The following STK32B variants were observed in gnomAD, a reference collection of about 807,000 sequenced individuals.
STK32B encodes serine/threonine kinase 32B, also known as serine/threonine-protein kinase 32B.
Under a neutral mutation model 52.6 loss-of-function variants are expected in STK32B, and 43 were observed. The observed-to-expected ratio is 0.82, with a 90% CI of 0.64 to 1.05. The LOEUF is 1.05. Among genes scored for constraint, STK32B ranks in the 50% least tolerant of loss-of-function variants. The pLI is 0.00. For missense variants in STK32B, 621 were observed against 534.6 expected (o/e 1.16, Z -1.59); for synonymous variants, 238 against 204.3 (o/e 1.17, Z -1.41).
chr4:5,304,547 T>G (rs773098069), intron 3 of STK32B, among the ~76,000 whole-genome samples: 2 of 152,154 alleles, frequency 1.3e-5, no homozygotes, highest in Non-Finnish European at 2.9e-5. Context: ...TCAGAAACTT[T>G]ACTGGATTCA....
intron 3 of STK32B, among the ~76,000 whole-genome samples, chr4:5,217,901 C>T (rs1023343270): frequency 3.9e-5 from 6 of 152,236 alleles, no homozygotes; most frequent in South Asian, 2.1e-4. Flanking sequence ...TGTTCTCATG[C>T]GGTGAAACTA....
intron 11 of STK32B, among the ~76,000 whole-genome samples, chr4:5,483,814 C>T (rs996116532): frequency 1.3e-5 from 2 of 152,056 alleles, no homozygotes; most frequent in Non-Finnish European, 2.9e-5. Flanking sequence ...TTTCAAAGAA[C>T]ATCTTTATTT....
chr4:5,431,991 G>A (rs1193380617), intron 6 of STK32B, among the ~76,000 whole-genome samples: 2 of 152,046 alleles, frequency 1.3e-5, no homozygotes, highest in Non-Finnish European at 2.9e-5. Flanking sequence ...TGATGAGTTG[G>A]GCTTCCATTT....
At chr4:5,250,603 G>A (rs539509547) in intron 3 of STK32B, among the ~76,000 whole-genome samples, 26 of 152,166 alleles carry the variant, frequency 1.7e-4, no homozygotes, top group Non-Finnish European at 2.5e-4. Context: ...GTGAGCCACC[G>A]TGCCCAGCTG....
chr4:5,412,320 G>T (rs562662625), intron 5 of STK32B, among the ~76,000 whole-genome samples: 21 of 152,332 alleles, frequency 1.4e-4, no homozygotes, highest in South Asian at 2.1e-4. Flanking sequence ...AGGAAATCTT[G>T]TTGGGCACTA....
At chr4:5,252,856 G>A (rs1405075890) in intron 3 of STK32B, among the ~76,000 whole-genome samples, 2 of 152,168 alleles carry the variant, frequency 1.3e-5, no homozygotes, top group African/African-American at 4.8e-5. Context: ...AGTGCCTGGT[G>A]TGTTGCCTGC....
chr4:5,177,150 G>A (rs1289191592), intron 3 of STK32B, among the ~76,000 whole-genome samples: 1 of 152,204 alleles, frequency 6.6e-6, no homozygotes, highest in Non-Finnish European at 1.5e-5. Flanking sequence ...AAGACTGGGT[G>A]ATTTATAAAG....
intron 7 of STK32B, among the ~76,000 whole-genome samples, chr4:5,452,533 C>A (rs997551872): frequency 4.6e-5 from 7 of 152,142 alleles, no homozygotes; most frequent in Non-Finnish European, 1.0e-4. Context: ...CTCTAGGACC[C>A]TGCAGAGATG....
chr4:5,218,744 T>C (rs1723336922), intron 3 of STK32B, among the ~76,000 whole-genome samples: 1 of 152,218 alleles, frequency 6.6e-6, no homozygotes, highest in African/African-American at 2.4e-5. Context: ...TTCTTTTTCC[T>C]TTAAAATGCA....
intron 3 of STK32B, among the ~76,000 whole-genome samples, chr4:5,288,757 T>C (rs982086509): frequency 6.6e-6 from 1 of 152,208 alleles, no homozygotes; most frequent in African/African-American, 2.4e-5. Context: ...CAACCAACTT[T>C]CTATTTTTTT....
intron 4 of STK32B, among the ~76,000 whole-genome samples, chr4:5,347,694 A>T (rs925498888): frequency 6.6e-6 from 1 of 152,132 alleles, no homozygotes; most frequent in African/African-American, 2.4e-5. Context: ...AGATGACTGG[A>T]TCATGGGGGT....
chr4:5,450,594 C>G (rs1207782213), intron 7 of STK32B, among the ~76,000 whole-genome samples: 1 of 152,230 alleles, frequency 6.6e-6, no homozygotes, highest in Non-Finnish European at 1.5e-5. Flanking sequence ...GGTTCAAACC[C>G]TGGCTCTAAC....
chr4:5,124,076 A>C (rs1488792992), intron 1 of STK32B, among the ~76,000 whole-genome samples: 5 of 152,058 alleles, frequency 3.3e-5, no homozygotes, highest in Admixed American at 6.5e-5. Context: ...ATCTATTCAA[A>C]AAGTAGGTCT....
At chr4:5,381,104 A>G (rs1407644273) in intron 4 of STK32B, among the ~76,000 whole-genome samples, 1 of 152,186 alleles carries the variant, frequency 6.6e-6, no homozygotes, top group East Asian at 1.9e-4. Context: ...AGTTTCGTCC[A>G]CTGTATTTTA....
intron 4 of STK32B, among the ~76,000 whole-genome samples, chr4:5,352,617 T>TAAAA (rs1553876827): frequency 3.5e-5 from 3 of 85,984 alleles, no homozygotes; most frequent in African/African-American, 1.8e-4. Context: ...GAGAAAGAAA[T>TAAAA]AAAAAAAAAA....
intron 3 of STK32B, among the ~76,000 whole-genome samples, chr4:5,213,893 G>A (rs528549015): frequency 1.3e-5 from 2 of 152,290 alleles, no homozygotes; most frequent in African/African-American, 4.8e-5. Flanking sequence ...TAAATTAAAG[G>A]TAGTGATTTT....
intron 3 of STK32B, among the ~76,000 whole-genome samples, chr4:5,175,033 C>T (rs181891093): frequency 3.3e-4 from 50 of 152,220 alleles, no homozygotes; most frequent in African/African-American, 9.4e-4. Context: ...GTTCCCTTCT[C>T]GCTTCATTTC....
chr4:5,030,065 C>T, the STK32B span, among the ~76,000 whole-genome samples: 12 of 152,278 alleles, frequency 7.9e-5, no homozygotes, highest in South Asian at 2.3e-3. Context: ...GTTAAGTTTC[C>T]TGAGGTCTTC....
At chr4:5,140,145 A>G in intron 2 of STK32B, 185 bp downstream of exon 2, 1 of 1,422,786 alleles carries the variant, frequency 7.0e-7, no homozygotes. Flanking sequence ...TCTGGAAATT[A>G]AATTACCACA....
Sources: gnomAD v4.1 joint callset for allele counts (sites outside exome capture counted in the v4.1 genomes callset) on GRCh38, gnomAD v4.1.1 for gene constraint, MANE v1.5 for transcripts, NCBI Gene and HGNC (gene_info 2026-07-23, HGNC 2026-07-21) for gene names.